The following QRICH1 variants were observed in gnomAD, a reference collection of about 807,000 sequenced individuals.
QRICH1 encodes transcriptional regulator QRICH1.
Under a neutral mutation model 87.1 loss-of-function variants are expected in QRICH1, and 16 were observed. The observed-to-expected ratio is 0.18, with a 90% confidence interval of 0.12 to 0.28. The LOEUF (loss-of-function observed/expected upper bound fraction) is 0.28, where lower values mean the gene tolerates loss of function less well. Ranked by LOEUF, QRICH1 falls within the 10% of genes least tolerant of loss-of-function variation. The pLI, the probability that QRICH1 is intolerant of heterozygous loss-of-function variation, is 1.00. For synonymous variants in QRICH1, 367 were observed against 368.4 expected (o/e 1.00, Z 0.05); for missense variants, 647 against 951.7 (o/e 0.68, Z 4.21).
At chr3:49,070,536 C>A (rs1284742841) in intron 2 of QRICH1, among the ~76,000 whole-genome samples, 1 of 151,716 alleles carries the variant, frequency 6.6e-6, no homozygotes, top group Non-Finnish European at 1.5e-5. Flanking sequence ...AACTCCTGGG[C>A]CCAAGGAGTT....
At chr3:49,047,640 C>G (rs183462216) in intron 3 of QRICH1, among the ~76,000 whole-genome samples, 1 of 151,826 alleles carries the variant, frequency 6.6e-6, no homozygotes, top group African/African-American at 2.4e-5. Context: ...TGCACCAACA[C>G]GGCCAGCTAA....
At chr3:49,073,341 G>A (rs1360314631) in intron 2 of QRICH1, among the ~76,000 whole-genome samples, 1 of 151,898 alleles carries the variant, frequency 6.6e-6, no homozygotes, top group Non-Finnish European at 1.5e-5. Context: ...AGAAGTTCAA[G>A]ACCAGCCTGA....
At position 49,057,572 on chromosome 3, in the gene QRICH1, G is replaced by T; in HGVS notation, c.628C>A (p.Gln210Lys). 1 of 1,613,490 alleles carries T rather than the reference G, an allele frequency of 6.2e-7. No individual in the cohort carries two copies. Among genetic ancestry groups the T allele is most frequent in the Non-Finnish European group, 8.5e-7 (1 of 1,179,556 alleles). Residue 210 changes from glutamine (Q) to lysine (K), a missense_variant, in exon 3 of 10, where the codon CAG (glutamine) becomes AAG (lysine). Gln to Lys is a moderately conservative substitution (Grantham distance 53). Coordinates refer to ENST00000395443, the MANE Select transcript of QRICH1 (RefSeq NM_198880.3). The surrounding 1 kb of genome is among the most constrained non-coding windows in gnomAD (Gnocchi z 5.4). Reference protein sequence around the residue: ...VAGQSLAGGQQIQIQTVGALS... With the variant: ...VAGQSLAGGQKIQIQTVGALS... ...GCACCCACGGTCTGGATTTGGATCT[G>T]CTGACCACCAGCAAGAGACTGGCCA... is the stretch of plus-strand genomic sequence containing the variant.
intron 5 of QRICH1, among the ~76,000 whole-genome samples, chr3:49,045,396 GAAT>G (rs967318589): frequency 1.1e-4 from 17 of 148,824 alleles, no homozygotes; most frequent in Admixed American, 5.4e-4. Context: ...GTAGTAGGAT[GAAT>G]AATGTTTGTT....
intron 2 of QRICH1, among the ~76,000 whole-genome samples, chr3:49,070,150 G>T (rs1382502165): frequency 6.6e-6 from 1 of 151,570 alleles, no homozygotes; most frequent in African/African-American, 2.4e-5. Flanking sequence ...CAATTCTCCT[G>T]CCTTAGCCTC....
intron 2 of QRICH1, among the ~76,000 whole-genome samples, chr3:49,069,165 G>A (rs1038417413): frequency 6.2e-5 from 9 of 145,984 alleles, no homozygotes; most frequent in African/African-American, 1.8e-4. Flanking sequence ...GTGCAGTGGC[G>A]CAATCTTGGC....
At chr3:49,052,177 G>A (rs540562885) in intron 3 of QRICH1, among the ~76,000 whole-genome samples, 46 of 152,258 alleles carry the variant, frequency 3.0e-4, no homozygotes, top group Admixed American at 1.6e-3. Context: ...TGTGATGGTA[G>A]AACCAACATG....
chr3:49,072,665 C>T (rs1010875305), intron 2 of QRICH1, among the ~76,000 whole-genome samples: 2 of 152,098 alleles, frequency 1.3e-5, no homozygotes, highest in Non-Finnish European at 2.9e-5. Context: ...ATTGAGTGGT[C>T]AAGTCAAATT....
intron 1 of QRICH1, among the ~76,000 whole-genome samples, chr3:49,090,231 G>A (rs1409948558): frequency 5.3e-5 from 8 of 151,994 alleles, no homozygotes; most frequent in African/African-American, 7.2e-5. Context: ...AGGCCGAGGC[G>A]GGCGGATCAC....
At chr3:49,082,170 C>CA (rs773616762) in intron 1 of QRICH1, among the ~76,000 whole-genome samples, 7 of 152,122 alleles carry the variant, frequency 4.6e-5, no homozygotes, top group Admixed American at 6.6e-5. Flanking sequence ...TCAAACTCCT[C>CA]ACCTCAAGCG....
At chr3:49,063,936 T>G (rs975487178) in intron 2 of QRICH1, among the ~76,000 whole-genome samples, 3 of 152,300 alleles carry the variant, frequency 2.0e-5, no homozygotes, top group Non-Finnish European at 4.4e-5. Context: ...AGATGGAGTT[T>G]CACTCTGTTG....
intron 2 of QRICH1, 124 bp downstream of exon 2, chr3:49,076,585 A>G: frequency 5.9e-6 from 6 of 1,017,870 alleles, no homozygotes; most frequent in Non-Finnish European, 8.0e-6. Flanking sequence ...GTCCACATTA[A>G]CTTTGAAAAT....
chr3:49,085,955 A>T (rs1035083176), intron 1 of QRICH1, among the ~76,000 whole-genome samples: 1 of 152,104 alleles, frequency 6.6e-6, no homozygotes, highest in Non-Finnish European at 1.5e-5. Context: ...GAAGCAATAA[A>T]GAAATTAATT....
intron 6 of QRICH1, among the ~76,000 whole-genome samples, chr3:49,040,727 C>T (rs2093305072): frequency 6.6e-6 from 1 of 152,188 alleles, no homozygotes; most frequent in Non-Finnish European, 1.5e-5. Context: ...TTAAACTTCT[C>T]TGAATGTCAA....
chr3:49,044,773 G>C (rs997710706), intron 5 of QRICH1, among the ~76,000 whole-genome samples: 1 of 152,124 alleles, frequency 6.6e-6, no homozygotes, highest in Non-Finnish European at 1.5e-5. Context: ...CAAAAATCAT[G>C]AATAGGCTCT....
intron 2 of QRICH1, among the ~76,000 whole-genome samples, chr3:49,076,413 G>A (rs1466300431): frequency 6.6e-6 from 1 of 151,996 alleles, no homozygotes; most frequent in Non-Finnish European, 1.5e-5. Context: ...CGTTGAACCT[G>A]ATGCTAAACC....
chr3:49,046,740 T>TA (rs1441301411), intron 4 of QRICH1, among the ~76,000 whole-genome samples, 161 bp from the exon 5 acceptor site: 1 of 152,174 alleles, frequency 6.6e-6, no homozygotes, highest in African/African-American at 2.4e-5. Flanking sequence ...AACATGAGTA[T>TA]ATGAGCCTAA....
intron 1 of QRICH1, among the ~76,000 whole-genome samples, 192 bp from the exon 2 acceptor site, chr3:49,077,230 TAAATAA>T (rs1388641032): frequency 6.6e-6 from 1 of 152,178 alleles, no homozygotes; most frequent in African/African-American, 2.4e-5. Flanking sequence ...TAACATTTCT[TAAATAA>T]AACTATCACA....
Position 49,033,155 on chromosome 3 carries a change from G to T in QRICH1, c.1860C>A (p.Ser620=). The T allele has an allele frequency of 6.3e-7, 1 of 1,581,588 alleles. No individual in the cohort carries two copies. Among genetic ancestry groups the T allele is most frequent in the Non-Finnish European group, 8.6e-7 (1 of 1,165,662 alleles). Residue 620 remains serine (S), a synonymous_variant, in exon 7 of 10, where the codon TCC becomes TCA. Transcript: ENST00000395443. ...AGAACATGAGGGTGGTCAGCAAGGTGGAGGGGGAGTGAGCCCCAAGCTGCT... is the reference window on the plus strand; with the variant it reads ...AGAACATGAGGGTGGTCAGCAAGGTTGAGGGGGAGTGAGCCCCAAGCTGCT... ...ECKQLGAHSP[S]TLLTTLMFFN...
Sources: allele counts gnomAD v4.1 joint callset (sites outside exome capture counted in the v4.1 genomes callset), GRCh38; gene constraint gnomAD v4.1.1; non-coding constraint Gnocchi (gnomAD v3.1); transcripts MANE v1.5; gene names NCBI Gene and HGNC (gene_info 2026-07-23, HGNC 2026-07-21).